SPAG16: variants seen among roughly 807,000 people sequenced by gnomAD.
SPAG16 encodes the protein sperm associated antigen 16, also known as sperm-associated antigen 16 protein.
SPAG16 carries 86 observed loss-of-function variants against 80.4 expected under a neutral mutation model. The observed-to-expected ratio is 1.07, with a 90% CI of 0.90 to 1.28. The LOEUF (loss-of-function observed/expected upper bound fraction) is 1.28. Ranked by LOEUF, SPAG16 falls within the 50% of genes most tolerant of loss-of-function variation. The pLI, the probability that SPAG16 is intolerant of heterozygous loss-of-function variation, is 0.00. For missense variants in SPAG16, 870 were observed against 765.3 expected (o/e 1.14, Z -1.61); for synonymous variants, 294 against 265.9 (o/e 1.11, Z -1.03).
intron 10 of SPAG16, among the ~76,000 whole-genome samples, chr2:213,764,671 T>A (rs1347891957): frequency 1.3e-5 from 2 of 152,114 alleles, no homozygotes; most frequent in Admixed American, 1.3e-4. Context: ...AGCAAAATAT[T>A]TACTACTACT....
At chr2:213,937,471 A>G (rs549317094) in intron 12 of SPAG16, among the ~76,000 whole-genome samples, 1 of 152,106 alleles carries the variant, frequency 6.6e-6, no homozygotes, top group South Asian at 2.1e-4. Flanking sequence ...CTTGTGATCA[A>G]TTTCTCCTGT....
intron 10 of SPAG16, among the ~76,000 whole-genome samples, chr2:213,660,747 T>A (rs955101424): frequency 6.6e-6 from 1 of 152,166 alleles, no homozygotes; most frequent in Non-Finnish European, 1.5e-5. Flanking sequence ...ATCGATTGCA[T>A]CTTAAACTAG....
intron 13 of SPAG16, among the ~76,000 whole-genome samples, chr2:214,060,246 C>G (rs764606280): frequency 2.6e-5 from 4 of 152,106 alleles, no homozygotes; most frequent in Middle Eastern, 3.2e-3. Context: ...TTGCATGCAC[C>G]ATATTCTAAA....
At chr2:213,783,069 C>A (rs1350234542) in intron 10 of SPAG16, among the ~76,000 whole-genome samples, 1 of 140,144 alleles carries the variant, frequency 7.1e-6, no homozygotes, top group Non-Finnish European at 1.5e-5. Flanking sequence ...CACCACAGTC[C>A]CCAGAGTGTG....
intron 12 of SPAG16, among the ~76,000 whole-genome samples, chr2:213,930,782 G>C (rs980022533): frequency 6.6e-6 from 1 of 152,040 alleles, no homozygotes; most frequent in Non-Finnish European, 1.5e-5. Flanking sequence ...CCTTCTGTTA[G>C]GTTTGCAGAT....
At chr2:214,363,451 T>A (rs1699301823) in intron 15 of SPAG16, among the ~76,000 whole-genome samples, 1 of 152,028 alleles carries the variant, frequency 6.6e-6, no homozygotes, top group African/African-American at 2.4e-5. Context: ...TCCATACTTT[T>A]AAATATTATT....
chr2:213,367,735 G>T (rs1433297637), intron 8 of SPAG16, among the ~76,000 whole-genome samples: 25 of 149,960 alleles, frequency 1.7e-4, no homozygotes, highest in Non-Finnish European at 2.8e-4. Flanking sequence ...CATTCTGTAG[G>T]TTGCCTGTTC....
intron 10 of SPAG16, among the ~76,000 whole-genome samples, chr2:213,552,530 T>A (rs547304543): frequency 6.6e-6 from 1 of 152,344 alleles, no homozygotes; most frequent in East Asian, 1.9e-4. Flanking sequence ...GTTGAAATAT[T>A]TATATATTGA....
At chr2:214,319,300 T>C (rs540880037) in intron 15 of SPAG16, among the ~76,000 whole-genome samples, 17 of 151,756 alleles carry the variant, frequency 1.1e-4, no homozygotes, top group South Asian at 1.0e-3. Flanking sequence ...GCCAAATTAT[T>C]TGTAGTCTAT....
intron 10 of SPAG16, among the ~76,000 whole-genome samples, chr2:213,705,253 T>TAAGA (rs143987348): frequency 1.5e-5 from 2 of 134,238 alleles, no homozygotes; most frequent in Non-Finnish European, 3.2e-5. Flanking sequence ...GTCTCAAAAA[T>TAAGA]AAGAAAGAAA....
chr2:214,030,073 C>T (rs2048334588), intron 13 of SPAG16, among the ~76,000 whole-genome samples: 1 of 152,116 alleles, frequency 6.6e-6, no homozygotes, highest in Non-Finnish European at 1.5e-5. Context: ...TACAGCAGAG[C>T]TCTAGCCCTT....
chr2:213,661,375 CTAA>C (rs2063420787), intron 10 of SPAG16, among the ~76,000 whole-genome samples: 4 of 152,094 alleles, frequency 2.6e-5, no homozygotes, highest in African/African-American at 9.7e-5. Flanking sequence ...TAAATATATT[CTAA>C]TAATGATTAA....
intron 13 of SPAG16, among the ~76,000 whole-genome samples, chr2:214,050,617 A>G (rs752712130): frequency 1.3e-5 from 2 of 152,194 alleles, no homozygotes; most frequent in Non-Finnish European, 2.9e-5. Flanking sequence ...TGTACTCCAT[A>G]TATGTGTATA....
intron 11 of SPAG16, among the ~76,000 whole-genome samples, chr2:213,876,577 G>A (rs1485191854): frequency 6.6e-6 from 1 of 152,148 alleles, no homozygotes; most frequent in African/African-American, 2.4e-5. Flanking sequence ...ATATCTCAAT[G>A]TCAAAAGCAT....
intron 13 of SPAG16, among the ~76,000 whole-genome samples, chr2:214,100,490 C>T (rs2052933372): frequency 6.6e-6 from 1 of 151,956 alleles, no homozygotes; most frequent in South Asian, 2.1e-4. Context: ...CCATGTAATA[C>T]GCATAGTACC....
intron 10 of SPAG16, among the ~76,000 whole-genome samples, chr2:213,531,542 C>T (rs1350471270): frequency 1.3e-5 from 2 of 152,190 alleles, no homozygotes; most frequent in East Asian, 3.9e-4. Context: ...CCAATCCTAT[C>T]CTCCTGCCCC....
chr2:213,712,544 C>G (rs2066046935), intron 10 of SPAG16, among the ~76,000 whole-genome samples: 1 of 152,180 alleles, frequency 6.6e-6, no homozygotes, highest in Non-Finnish European at 1.5e-5. Flanking sequence ...ATCACACCCT[C>G]TACACGTAGT....
chr2:213,828,018 G>A (rs1272430646), intron 10 of SPAG16, among the ~76,000 whole-genome samples: 1 of 152,028 alleles, frequency 6.6e-6, no homozygotes, highest in Non-Finnish European at 1.5e-5. Context: ...CCTTGGTGTT[G>A]TATAACTTTC....
intron 14 of SPAG16, among the ~76,000 whole-genome samples, chr2:214,119,118 A>G (rs1226901196): frequency 6.6e-6 from 1 of 152,302 alleles, no homozygotes; most frequent in East Asian, 1.9e-4. Flanking sequence ...TGAAAAACAA[A>G]ATACATCTTT....
Sources: allele counts gnomAD v4.1 joint callset (sites outside exome capture counted in the v4.1 genomes callset), GRCh38; gene constraint gnomAD v4.1.1; transcripts MANE v1.5; gene names NCBI Gene and HGNC (gene_info 2026-07-23, HGNC 2026-07-21).